The following C18orf54 variants were observed in gnomAD, a reference collection of about 807,000 sequenced individuals.
C18orf54 encodes chromosome 18 open reading frame 54.
In C18orf54, 49 loss-of-function variants were observed where a neutral mutation model predicts 49.3. The ratio of observed to expected loss-of-function variants is 0.99; its 90% CI spans 0.79 to 1.26. The LOEUF (loss-of-function observed/expected upper bound fraction) is 1.26. C18orf54 is among the 50% of genes most tolerant of loss of function. C18orf54 has a pLI of 0.00. For synonymous variants in C18orf54, 211 were observed against 216.6 expected (o/e 0.97, Z 0.23); for missense variants, 687 against 620.6 (o/e 1.11, Z -1.14).
chr18:54,374,596 A>G (rs1295381752), intron 8 of C18orf54, among the ~76,000 whole-genome samples: 3 of 151,840 alleles, frequency 2.0e-5, no homozygotes, highest in African/African-American at 4.8e-5. Flanking sequence ...AGTAACTTGT[A>G]TGAAATGTGT....
intron 2 of C18orf54, among the ~76,000 whole-genome samples, chr18:54,360,181 A>G (rs1297228959): frequency 2.0e-5 from 3 of 152,212 alleles, no homozygotes; most frequent in Non-Finnish European, 4.4e-5. Flanking sequence ...TTGTGATGTC[A>G]TAGAATATAT....
Position 54,362,250 on chromosome 18 carries a change from A to G in C18orf54, c.891A>G (p.Gln297=). ...CCCCTAGACATAGTCATCAGGCACAAGGAACTTCTCGGCTTATCAATAAAT... is the reference window on the plus strand; with the variant it reads ...CCCCTAGACATAGTCATCAGGCACAGGGAACTTCTCGGCTTATCAATAAAT... ...QCSPRHSHQA[Q]GTSRLINKLD... Residue 297 remains glutamine (Q), a synonymous_variant, in exon 4 of 9, where the codon CAA becomes CAG. Coordinates refer to ENST00000620105, the MANE Select transcript of C18orf54 (RefSeq NM_001288980.2). 1 of 1,536,520 alleles carries G rather than the reference A, an allele frequency of 6.5e-7. No individual in the cohort carries two copies.
intron 5 of C18orf54, 22 bp from the exon 6 acceptor site, chr18:54,365,697 G>A (rs2089366386): frequency 7.0e-7 from 1 of 1,427,146 alleles, no homozygotes; most frequent in Non-Finnish European, 9.7e-7. Context: ...TTGCTATCTT[G>A]CATCCTTTAA....
intron 8 of C18orf54, among the ~76,000 whole-genome samples, chr18:54,374,953 G>A (rs184901532): frequency 6.6e-6 from 1 of 152,026 alleles, no homozygotes; most frequent in East Asian, 1.9e-4. Flanking sequence ...AGGCTTCTGT[G>A]ATCTAAGGAA....
chr18:54,358,649 G>A (rs2089197872), intron 1 of C18orf54, 125 bp from the exon 2 acceptor site: 1 of 152,214 alleles, frequency 6.6e-6, no homozygotes, highest in African/African-American at 2.4e-5. Flanking sequence ...TTCTGCTGCC[G>A]AGTAAACAAA....
chr18:54,358,805 A>G lies in C18orf54; in HGVS notation c.-112A>G, dbSNP rs1479197118. The G allele has an allele frequency of 2.6e-5, 4 of 152,284 alleles. No homozygotes were observed. Among genetic ancestry groups the G allele is most frequent in the African/African-American group, 4.8e-5 (2 of 41,462 alleles). 9.4% of individuals were successfully genotyped at this position (152,284 alleles called of 1,614,324 possible). A position where few individuals can be genotyped will look rare whatever the true frequency, so the allele number is the denominator to read the frequency against. ...AAAATTTGTTGTCAATAAGTTTAAC[A>G]TTCTGTTCTTCCGCGTGATGGATTT... On this transcript the variant is annotated 5_prime_UTR_variant, in exon 2 of 9. Transcript: ENST00000620105.
intron 7 of C18orf54, 105 bp downstream of exon 7, chr18:54,372,702 C>T (rs748144178): frequency 9.7e-5 from 100 of 1,031,522 alleles, no homozygotes; most frequent in Non-Finnish European, 1.2e-4. Context: ...AGTAAGCATG[C>T]CACATTACAC....
intron 8 of C18orf54, among the ~76,000 whole-genome samples, chr18:54,376,115 C>T (rs1233489105): frequency 2.0e-5 from 3 of 152,098 alleles, no homozygotes; most frequent in South Asian, 2.1e-4. Context: ...GCTTTATTGG[C>T]CTTTCCTAAG....
chr18:54,374,518 G>A (rs2089539001), intron 8 of C18orf54, among the ~76,000 whole-genome samples: 1 of 151,656 alleles, frequency 6.6e-6, no homozygotes, highest in African/African-American at 2.4e-5. Flanking sequence ...AAAATATAAT[G>A]GATATGACTC....
rs58803532 is a variant in C18orf54, at chr18:54,366,816, TA to T, written c.1326+1004del. Among the ~76,000 whole-genome samples the T allele has an allele frequency of 5.5e-3, 825 of 150,456 alleles. 5 individuals are homozygous for T. Among genetic ancestry groups the T allele is most frequent in the Non-Finnish European group, 9.4e-3 (635 of 67,408 alleles). ...GTTGGAGGATTGCTTGAGTGTTTAA[TA>T]AAAAAAAAGTCCATAATTGATAATA... On this transcript the variant is annotated intron_variant, in intron 6 of 8. Coordinates refer to ENST00000620105, the MANE Select transcript of C18orf54 (RefSeq NM_001288980.2).
At position 54,374,218 on chromosome 18, in the gene C18orf54, CAGA is replaced by C; in HGVS notation, c.1467_1469del (p.Glu489del). On this transcript the variant is annotated inframe_deletion, in exon 8 of 9. Transcript: ENST00000620105. ...ATTTGGTGTTTTTAATAATAGGTTT[CAGA>C]AGATGATTTCTCTAAATTACAGTTG... 1 of 1,572,972 alleles carries C rather than the reference CAGA, an allele frequency of 6.4e-7. No homozygotes were observed. Among genetic ancestry groups the C allele is most frequent in the Non-Finnish European group, 8.6e-7 (1 of 1,158,474 alleles).
At chr18:54,378,031 A>G in intron 8 of C18orf54, 143 bp from the exon 9 acceptor site, 1 of 442,440 alleles carries the variant, frequency 2.3e-6, no homozygotes, top group Admixed American at 4.1e-5. Context: ...TTTTATAAGG[A>G]ATAAGTCTCA....
intron 2 of C18orf54, among the ~76,000 whole-genome samples, chr18:54,359,282 A>ACTT (rs1166575576): frequency 1.3e-5 from 2 of 152,194 alleles, no homozygotes; most frequent in Non-Finnish European, 2.9e-5. Flanking sequence ...GTGAGTTTAA[A>ACTT]CTTCTTTAAA....
In C18orf54 at chr18:54,359,168, C is replaced by A. The variant is rs1193116366; in HGVS notation, c.-47+298C>A. Among the ~76,000 whole-genome samples the A allele has an allele frequency of 3.0e-4, 45 of 152,230 alleles. 1 individual carries two copies. The highest frequency in any genetic ancestry group is 2.9e-3 in the Admixed American group (45 of 15,282). ...TATCACCCACTTACGGAGACCAATACAACAGCTTTCTCTTTCAAGGTTTTG... is the reference window on the plus strand; with the variant it reads ...TATCACCCACTTACGGAGACCAATAAAACAGCTTTCTCTTTCAAGGTTTTG... On this transcript the variant is annotated intron_variant, in intron 2 of 8. Coordinates refer to ENST00000620105, the MANE Select transcript of C18orf54 (RefSeq NM_001288980.2).
intron 8 of C18orf54, among the ~76,000 whole-genome samples, chr18:54,374,921 T>A (rs931012243): frequency 1.3e-5 from 2 of 151,940 alleles, no homozygotes; most frequent in African/African-American, 4.8e-5. Flanking sequence ...TTGGCTACCT[T>A]TTGTACTTTG....
At position 54,360,559 on chromosome 18, in the gene C18orf54, A is replaced by T. The variant is rs760889743; in HGVS notation, c.-14A>T. On this transcript the variant is annotated 5_prime_UTR_variant, in exon 3 of 9. Transcript: ENST00000620105. ...TAAGGGAAATGAATAGAAACAATCC[A>T]CTTTGAAGAAGCCATGGCGAAATCA... The T allele has an allele frequency of 3.1e-6, 5 of 1,612,312 alleles. No homozygotes were observed. The South Asian group carries it at 5.5e-5, about 18-fold the overall frequency.
chr18:54,381,339 AAC>A lies in C18orf54; in HGVS notation c.*3095_*3096del, dbSNP rs1263707177. 6.6e-6 allele frequency: 1 copy of A among 151,864 alleles called. No homozygotes were observed. The highest frequency in any genetic ancestry group is 2.4e-5 in the African/African-American group (1 of 41,314). 9.4% of individuals were successfully genotyped at this position (151,864 alleles called of 1,614,324 possible). A position where few individuals can be genotyped will look rare whatever the true frequency, so the allele number is the denominator to read the frequency against. ...ACCCTAGATCAGCCCCTTCTGTGTT[AAC>A]AGTTTTTCTCACAATGTAGCAACTT... On this transcript the variant is annotated 3_prime_UTR_variant, in exon 9 of 9. Transcript: ENST00000620105.
chr18:54,366,906 T>C (rs76704728), intron 6 of C18orf54, among the ~76,000 whole-genome samples: 2,796 of 152,186 alleles, frequency 0.018, 74 homozygotes, highest in African/African-American at 0.065. Context: ...TCTTAAACCA[T>C]AATAATGACC....
Position 54,361,742 on chromosome 18 carries a change from T to C in C18orf54, c.383T>C (p.Leu128Pro). 1 of 1,614,074 alleles carries C rather than the reference T, an allele frequency of 6.2e-7. No individual in the cohort carries two copies. Among genetic ancestry groups the C allele is most frequent in the East Asian group, 2.2e-5 (1 of 44,884 alleles). Residue 128 changes from leucine (L) to proline (P), a missense_variant, in exon 4 of 9, where the codon CTA becomes CCA. Transcript: ENST00000620105. The part of the protein sequence containing the change: ...IDSMSLTTDD[L>P]LRLPADGSFS... The stretch of plus-strand genomic sequence containing the variant: ...TCCATGAGCCTAACAACTGATGATC[T>C]ATTAAGACTCCCAGCAGATGGATCA...
Sources: gnomAD v4.1 joint callset for allele counts (sites outside exome capture counted in the v4.1 genomes callset) on GRCh38, gnomAD v4.1.1 for gene constraint, MANE v1.5 for transcripts, NCBI Gene and HGNC (gene_info 2026-07-23, HGNC 2026-07-21) for gene names.